The following XCR1 variants were observed in gnomAD, a reference collection of about 807,000 sequenced individuals.
XCR1 encodes the protein X-C motif chemokine receptor 1.
For synonymous variants in XCR1, 187 were observed against 188.5 expected (o/e 0.99, Z 0.06); for missense variants, 356 against 424.2 (o/e 0.84, Z 1.41).
chr3:46,074,453 G>A (rs995205203), intron 3 of XCR1, among the ~76,000 whole-genome samples: 3 of 151,938 alleles, frequency 2.0e-5, no homozygotes, highest in African/African-American at 7.3e-5. Flanking sequence ...ATACACACTG[G>A]AGACTCAGAA....
At chr3:46,053,270 G>A (rs4339140) in intron 5 of XCR1, among the ~76,000 whole-genome samples, 30,496 of 145,986 alleles carry the variant, frequency 0.21, 4,218 homozygotes, top group African/African-American at 0.38. Context: ...CTCTAGTGGA[G>A]TGTGTTCATG....
upstream of XCR1, among the ~76,000 whole-genome samples, chr3:46,030,504 A>C (rs1708375697): frequency 6.6e-6 from 1 of 152,206 alleles, no homozygotes; most frequent in South Asian, 2.1e-4. Flanking sequence ...AATTATGAAA[A>C]ATACTTTATG....
intron 4 of XCR1, among the ~76,000 whole-genome samples, chr3:46,061,433 A>G (rs926055996): frequency 6.6e-6 from 1 of 152,206 alleles, no homozygotes; most frequent in Non-Finnish European, 1.5e-5. Flanking sequence ...AGATGACAGG[A>G]GTGTCTGGAG....
rs1294917393 is a variant in XCR1, at chr3:46,024,014, C to T, written c.-31-2036G>A. 2.2e-6 allele frequency: 3 copies of T among 1,367,704 alleles called. No individual in the cohort carries two copies. The South Asian group carries it at 3.5e-5, about 16-fold the overall frequency. 84.7% of individuals were successfully genotyped at this position (1,367,704 alleles called of 1,614,324 possible). Reference sequence around the variant, plus strand: ...CATTCAGAAACTGCTACAGCCTCCTCAACCTGGCAGAAGTTTGCAGCAAAT... The same window carrying T: ...CATTCAGAAACTGCTACAGCCTCCTTAACCTGGCAGAAGTTTGCAGCAAAT... On this transcript the variant is annotated intron_variant, in intron 1 of 1. Transcript: ENST00000309285.
intron 1 of XCR1, chr3:46,023,610 T>C: frequency 1.5e-6 from 2 of 1,364,330 alleles, no homozygotes; most frequent in Non-Finnish European, 2.1e-6. Flanking sequence ...ACAAACTCTC[T>C]GCCGAGGATG....
intron 3 of XCR1, among the ~76,000 whole-genome samples, chr3:46,074,483 G>C (rs1158850607): frequency 3.3e-5 from 5 of 151,926 alleles, no homozygotes; most frequent in Non-Finnish European, 7.4e-5. Context: ...GTAGTGGTGG[G>C]GGGTGAAGGA....
At chr3:46,034,995 G>A (rs535004227) in intron 5 of XCR1, among the ~76,000 whole-genome samples, 7 of 151,916 alleles carry the variant, frequency 4.6e-5, no homozygotes, top group East Asian at 1.9e-4. Context: ...TCACTCTGTC[G>A]ACAGGCTGGA....
Position 46,025,412 on chromosome 3 carries a change from TAAAG to T in XCR1, c.-32+2001_-32+2004del, listed in dbSNP as rs375635954. Among the ~76,000 whole-genome samples, 717 of 149,424 alleles carry T rather than the reference TAAAG, an allele frequency of 4.8e-3. 6 individuals carry two copies. Among genetic ancestry groups the T allele is most frequent in the African/African-American group, 0.016 (655 of 40,592 alleles). On this transcript the variant is annotated intron_variant, in intron 1 of 1. Coordinates refer to ENST00000309285, the MANE Select transcript of XCR1 (RefSeq NM_001024644.2). Reference sequence around the variant, plus strand: ...GAGCAAGACCCTGTCTCAAAAGAAATAAAGAAAGAGAGAGAGAGAGAGAGAAAGA... The same window carrying T: ...GAGCAAGACCCTGTCTCAAAAGAAATAAAGAGAGAGAGAGAGAGAGAAAGA...
intron 5 of XCR1, among the ~76,000 whole-genome samples, chr3:46,046,135 C>T (rs563712558): frequency 6.6e-6 from 1 of 152,236 alleles, no homozygotes; most frequent in South Asian, 2.1e-4. Context: ...AAATATTGCA[C>T]GTTCTCACTT....
At chr3:46,042,177 C>G (rs764383322) in intron 5 of XCR1, among the ~76,000 whole-genome samples, 7 of 152,082 alleles carry the variant, frequency 4.6e-5, no homozygotes, top group Non-Finnish European at 1.0e-4. Flanking sequence ...TAAAGCAGTG[C>G]TCAGAGGGAA....
chr3:46,078,581 G>A (rs1452459408), intron 1 of XCR1, among the ~76,000 whole-genome samples: 2 of 152,214 alleles, frequency 1.3e-5, no homozygotes, highest in Non-Finnish European at 2.9e-5. Context: ...GGGGAAGGGA[G>A]GTCTGGGTCC....
intron 3 of XCR1, among the ~76,000 whole-genome samples, chr3:46,068,919 A>G (rs118167294): frequency 0.012 from 1,806 of 152,346 alleles, 16 homozygotes; most frequent in Middle Eastern, 0.031. Context: ...TGAAAAGAAC[A>G]GTATAGTAAA....
chr3:46,024,258 G>T, intron 1 of XCR1: 1 of 315,940 alleles, frequency 3.2e-6, no homozygotes, highest in Admixed American at 4.7e-5. Context: ...CGTAGAAGGG[G>T]CATCCTGGTC....
chr3:46,052,410 G>A (rs1324764505), intron 5 of XCR1, among the ~76,000 whole-genome samples: 1 of 152,190 alleles, frequency 6.6e-6, no homozygotes, highest in Non-Finnish European at 1.5e-5. Flanking sequence ...GAAATTTTGA[G>A]TGGCACTGAT....
intron 5 of XCR1, among the ~76,000 whole-genome samples, chr3:46,047,275 G>T (rs1265664021): frequency 1.3e-5 from 2 of 152,206 alleles, no homozygotes; most frequent in African/African-American, 4.8e-5. Flanking sequence ...TAAGTTAGAA[G>T]AAGTTTCACA....
Position 46,056,110 on chromosome 3 carries a change from C to A in XCR1, c.-182-2040G>T, listed in dbSNP as rs79016468. On this transcript the variant is annotated intron_variant, in intron 4 of 5. Transcript: ENST00000683768. ...GACTCCTTAGGCTGGCTGGGACTGT[C>A]TTCCTCCACTCTTCTTCCTACTGCT... is the stretch of plus-strand genomic sequence containing the variant. Among the ~76,000 whole-genome samples, 988 of 152,318 alleles carry A rather than the reference C, an allele frequency of 6.5e-3. 8 individuals carry two copies. The highest frequency in any genetic ancestry group is 0.018 in the African/African-American group (738 of 41,566).
At chr3:46,080,729 C>G (rs17078579) in intron 1 of XCR1, among the ~76,000 whole-genome samples, 2,011 of 152,274 alleles carry the variant, frequency 0.013, 54 homozygotes, top group African/African-American at 0.045. Context: ...TAATGATAGA[C>G]CAATCTTTCC....
At chr3:46,048,111 T>C (rs73830713) in intron 5 of XCR1, among the ~76,000 whole-genome samples, 15,429 of 152,210 alleles carry the variant, frequency 0.1, 2,649 homozygotes, top group African/African-American at 0.35. Flanking sequence ...TTTGTGGTGA[T>C]ACACAAAGGG....
intron 5 of XCR1, among the ~76,000 whole-genome samples, chr3:46,037,217 T>C (rs1553632453): frequency 6.6e-6 from 1 of 152,124 alleles, no homozygotes; most frequent in Non-Finnish European, 1.5e-5. Flanking sequence ...TGTGTGTTCT[T>C]AGTGAGAAAA....
Sources: gnomAD v4.1 joint callset for allele counts (sites outside exome capture counted in the v4.1 genomes callset) on GRCh38, gnomAD v4.1.1 for gene constraint, MANE v1.5 for transcripts, NCBI Gene and HGNC (gene_info 2026-07-23, HGNC 2026-07-21) for gene names.